The following EPB41L4B variants were observed in gnomAD, a reference collection of about 807,000 sequenced individuals.
EPB41L4B encodes erythrocyte membrane protein band 4.1 like 4B, also known as band 4.1-like protein 4B.
A neutral mutation model predicts 112.5 loss-of-function variants in EPB41L4B; 30 were observed. That is an observed-to-expected ratio of 0.27 (90% CI 0.20 to 0.36). EPB41L4B has a LOEUF of 0.36. EPB41L4B is among the 10% of genes least tolerant of loss of function. The pLI is 1.00. For synonymous variants in EPB41L4B, 408 were observed against 439.7 expected, an observed-to-expected ratio of 0.93 and a Z score of 0.90; for missense variants, 1,024 against 1,133.3, an observed-to-expected ratio of 0.90 and a Z score of 1.38.
chr9:109,265,382 C>T (rs887662730), intron 4 of EPB41L4B, among the ~76,000 whole-genome samples: 6 of 152,236 alleles, frequency 3.9e-5, no homozygotes, highest in African/African-American at 1.2e-4. Flanking sequence ...AGGGTGGGGC[C>T]GCGGGGTCTG....
intron 1 of EPB41L4B, among the ~76,000 whole-genome samples, chr9:109,314,158 A>C (rs895216964): frequency 2.0e-5 from 3 of 152,198 alleles, no homozygotes; most frequent in Admixed American, 1.3e-4. Flanking sequence ...GGCAGGGCAG[A>C]GAGAGGCCCG....
chr9:109,233,853 AT>A (rs1409280103), intron 15 of EPB41L4B, among the ~76,000 whole-genome samples: 2 of 152,148 alleles, frequency 1.3e-5, no homozygotes, highest in Non-Finnish European at 2.9e-5. Context: ...TTTTAAAAAA[AT>A]GTCTGGTAAA....
chr9:109,220,232 TC>T (rs1833524494), intron 15 of EPB41L4B, among the ~76,000 whole-genome samples: 1 of 152,160 alleles, frequency 6.6e-6, no homozygotes, highest in Non-Finnish European at 1.5e-5. Flanking sequence ...AAACAGCTGT[TC>T]CAGGCCTAAG....
intron 1 of EPB41L4B, among the ~76,000 whole-genome samples, chr9:109,307,034 T>TC (rs1491572736): frequency 4.5e-4 from 68 of 150,806 alleles, no homozygotes; most frequent in East Asian, 3.0e-3. Context: ...TTTTTTTTTT[T>TC]CTTCAAGAAA....
At chr9:109,307,170 A>G (rs1445073416) in intron 1 of EPB41L4B, 1 of 440,382 alleles carries the variant, frequency 2.3e-6, no homozygotes, top group African/African-American at 2.0e-5. Flanking sequence ...ATGTTACAGT[A>G]ATTCTATTAT....
At position 109,320,510 on chromosome 9, in the gene EPB41L4B, C is replaced by CCGCT; in HGVS notation, c.-65_-64insAGCG. The CCGCT allele has an allele frequency of 5.7e-6, 5 of 881,046 alleles. No homozygotes were observed. The highest frequency in any genetic ancestry group is 1.8e-5 in the African/African-American group (1 of 54,938). The allele number at this position is 881,046 out of a possible 1,614,324, so 54.6% of individuals were successfully genotyped here. A position where few individuals can be genotyped will look rare whatever the true frequency, so the allele number is the denominator to read the frequency against. ...GCCGCTGCCGCTGCCGCTGCCGCTG[C>CCGCT]GCCGCCGCCCGGGAGCGTCCCGCGA... is the stretch of plus-strand genomic sequence containing the variant. On this transcript the variant is annotated 5_prime_UTR_variant, in exon 1 of 26. Transcript: ENST00000374566.
At chr9:109,245,356 T>C (rs1021128242) in intron 14 of EPB41L4B, among the ~76,000 whole-genome samples, 10 of 152,210 alleles carry the variant, frequency 6.6e-5, no homozygotes, top group Non-Finnish European at 1.5e-4. Context: ...GGTGGGAACC[T>C]TAGCCACAGA....
intron 1 of EPB41L4B, among the ~76,000 whole-genome samples, chr9:109,285,793 C>A (rs1403025178): frequency 6.6e-6 from 1 of 152,146 alleles, no homozygotes; most frequent in Non-Finnish European, 1.5e-5. Flanking sequence ...CCCGGGGCAA[C>A]CCCTACAAAT....
At position 109,190,611 on chromosome 9, in the gene EPB41L4B, C is replaced by T. The variant is rs184314029; in HGVS notation, c.2301+1667G>A. Among the ~76,000 whole-genome samples, 190 of 152,356 alleles carry T rather than the reference C, an allele frequency of 1.2e-3. 1 individual carries two copies. Among genetic ancestry groups the T allele is most frequent in the Non-Finnish European group, 2.2e-3 (152 of 68,030 alleles). ...CAGACTGAGACCAGGGCATCTGACC[C>T]GCTTTGAGGGAGGGTACTGGCTAAC... On this transcript the variant is annotated intron_variant, in intron 22 of 25. Coordinates refer to ENST00000374566, the MANE Select transcript of EPB41L4B (RefSeq NM_019114.5).
In EPB41L4B at chr9:109,226,645, A is replaced by G. The variant is rs1421968593; in HGVS notation, c.1410-9500T>C. Among the ~76,000 whole-genome samples, 70 of 137,780 alleles carry G rather than the reference A, an allele frequency of 5.1e-4. No homozygotes were observed. In the East Asian group the frequency reaches 8.9e-3, roughly 18 times the overall value. The allele number at this position is 137,780 out of a possible 152,430, so 90.4% of individuals were successfully genotyped here. On this transcript the variant is annotated intron_variant, in intron 15 of 25. Coordinates refer to ENST00000374566, the MANE Select transcript of EPB41L4B (RefSeq NM_019114.5). ...ATATATATATGAAGAATATATATATATATGAAGAATATATATATGAAGAAT... is the reference window on the plus strand; with the variant it reads ...ATATATATATGAAGAATATATATATGTATGAAGAATATATATATGAAGAAT...
At chr9:109,247,478 C>T (rs148508532) in intron 14 of EPB41L4B, among the ~76,000 whole-genome samples, 1 of 152,264 alleles carries the variant, frequency 6.6e-6, no homozygotes, top group Non-Finnish European at 1.5e-5. Context: ...TGTGGCCACC[C>T]AGAAACTTAA....
chr9:109,311,499 T>C (rs1837412781), intron 1 of EPB41L4B, among the ~76,000 whole-genome samples: 1 of 152,146 alleles, frequency 6.6e-6, no homozygotes, highest in Non-Finnish European at 1.5e-5. Context: ...CACCGGATGA[T>C]CCCACAGGTG....
chr9:109,290,354 A>G (rs1017750381), intron 1 of EPB41L4B, among the ~76,000 whole-genome samples: 1 of 152,224 alleles, frequency 6.6e-6, no homozygotes, highest in African/African-American at 2.4e-5. Flanking sequence ...GTCCACAGGA[A>G]TAACATGGTG....
At chr9:109,245,058 GAATCTGGAGAAA>G (rs1186558650) in intron 14 of EPB41L4B, among the ~76,000 whole-genome samples, 1 of 152,206 alleles carries the variant, frequency 6.6e-6, no homozygotes, top group Admixed American at 6.5e-5. Flanking sequence ...GCAGGAAAAG[GAATCTGGAGAAA>G]ATACCTCAGT....
intron 14 of EPB41L4B, 46 bp downstream of exon 14, chr9:109,247,710 T>C: frequency 7.7e-7 from 1 of 1,304,156 alleles, no homozygotes. Flanking sequence ...ATTTTATTTT[T>C]AAAATTTTCC....
intron 6 of EPB41L4B, among the ~76,000 whole-genome samples, chr9:109,260,737 A>G (rs1445583861): frequency 6.6e-6 from 1 of 152,134 alleles, no homozygotes; most frequent in Non-Finnish European, 1.5e-5. Context: ...TTAAAATCAC[A>G]CTGACATTAT....
chr9:109,290,782 AC>A (rs200836092), intron 1 of EPB41L4B, among the ~76,000 whole-genome samples: 2 of 142,796 alleles, frequency 1.4e-5, no homozygotes, highest in Non-Finnish European at 3.1e-5. Flanking sequence ...ACACACACAC[AC>A]CCCCCACCAA....
chr9:109,231,245 T>C (rs1833944110), intron 15 of EPB41L4B, among the ~76,000 whole-genome samples: 1 of 151,986 alleles, frequency 6.6e-6, no homozygotes, highest in Non-Finnish European at 1.5e-5. Context: ...ACTTTTCCAA[T>C]TTGTATTTCT....
intron 15 of EPB41L4B, among the ~76,000 whole-genome samples, chr9:109,236,432 AG>A (rs1476063198): frequency 6.6e-6 from 1 of 151,860 alleles, no homozygotes; most frequent in African/African-American, 2.4e-5. Flanking sequence ...AAAAAAAAAA[AG>A]AGTTGACCTC....
Sources: allele counts gnomAD v4.1 joint callset (sites outside exome capture counted in the v4.1 genomes callset), GRCh38; gene constraint gnomAD v4.1.1; transcripts MANE v1.5; gene names NCBI Gene and HGNC (gene_info 2026-07-23, HGNC 2026-07-21).